STAG1: variants seen among roughly 807,000 people sequenced by gnomAD.
STAG1 encodes STAG1 cohesin complex component.
A neutral mutation model predicts 170.9 loss-of-function variants in STAG1; 26 were observed. That is an observed-to-expected ratio of 0.15 (90% CI 0.11 to 0.21). The LOEUF is 0.21. STAG1 is among the 10% of genes least tolerant of loss of function. The probability of loss-of-function intolerance (pLI) is 1.00; values close to 1 mark genes in which losing one functional copy is unlikely to be tolerated. For missense variants in STAG1, 964 were observed against 1,509.5 expected (o/e 0.64, Z 5.99); for synonymous variants, 514 against 497.7 (o/e 1.03, Z -0.44).
chr3:136,487,337 C>T (rs2090038345), intron 9 of STAG1, among the ~76,000 whole-genome samples: 1 of 152,152 alleles, frequency 6.6e-6, no homozygotes, highest in African/African-American at 2.4e-5. Context: ...GCATGGTATT[C>T]CATGGAGTGT....
chr3:136,530,632 A>G (rs539533714), intron 6 of STAG1, among the ~76,000 whole-genome samples: 2 of 152,302 alleles, frequency 1.3e-5, no homozygotes, highest in South Asian at 4.1e-4. Context: ...AACCTTACAA[A>G]TACATGAAAA....
chr3:136,527,462 C>A (rs2107920741), intron 6 of STAG1, among the ~76,000 whole-genome samples: 1 of 152,266 alleles, frequency 6.6e-6, no homozygotes, highest in African/African-American at 2.4e-5. Flanking sequence ...TTAAGGACTT[C>A]TCTACACTGG....
intron 5 of STAG1, among the ~76,000 whole-genome samples, chr3:136,554,451 G>A (rs931431110): frequency 1.3e-5 from 2 of 152,142 alleles, no homozygotes; most frequent in Non-Finnish European, 2.9e-5. Flanking sequence ...TGAGTTTTAA[G>A]GGCACATGAA....
At chr3:136,721,760 T>C (rs1341541052) in intron 1 of STAG1, among the ~76,000 whole-genome samples, 1 of 151,924 alleles carries the variant, frequency 6.6e-6, no homozygotes, top group Non-Finnish European at 1.5e-5. Flanking sequence ...CTGTCTCTAC[T>C]AAAAATACAA....
intron 16 of STAG1, 53 bp downstream of exon 16, chr3:136,433,503 C>G: frequency 7.7e-7 from 1 of 1,300,642 alleles, no homozygotes; most frequent in Non-Finnish European, 1.1e-6. Context: ...ATATTTAAGA[C>G]AGTTAATTGC....
At chr3:136,663,134 A>T (rs1941633728) in intron 1 of STAG1, among the ~76,000 whole-genome samples, 1 of 152,198 alleles carries the variant, frequency 6.6e-6, no homozygotes, top group Non-Finnish European at 1.5e-5. Flanking sequence ...AAACCTACAC[A>T]GCCTATACAA....
At chr3:136,528,772 T>C (rs1237082147) in intron 6 of STAG1, among the ~76,000 whole-genome samples, 1 of 151,622 alleles carries the variant, frequency 6.6e-6, no homozygotes, top group Non-Finnish European at 1.5e-5. Flanking sequence ...CTACCAAAAA[T>C]ACAAAATATT....
chr3:136,536,703 CAAAAA>C (rs11321017), intron 6 of STAG1, among the ~76,000 whole-genome samples: 4 of 70,962 alleles, frequency 5.6e-5, no homozygotes, highest in African/African-American at 1.6e-4. Flanking sequence ...ACTCAGTCTC[CAAAAA>C]AAAAAAAAAA....
chr3:136,529,440 A>G (rs1299488848), intron 6 of STAG1, among the ~76,000 whole-genome samples: 1 of 152,122 alleles, frequency 6.6e-6, no homozygotes, highest in African/African-American at 2.4e-5. Flanking sequence ...TAAATTTCTC[A>G]GCAGAAACCT....
chr3:136,455,988 G>GA (rs1279782360), intron 13 of STAG1, among the ~76,000 whole-genome samples: 4 of 152,016 alleles, frequency 2.6e-5, no homozygotes, highest in African/African-American at 7.2e-5. Flanking sequence ...GCCAGACCAA[G>GA]AAAAAAACAA....
intron 1 of STAG1, among the ~76,000 whole-genome samples, chr3:136,718,778 T>C (rs1035077837): frequency 2.0e-5 from 3 of 151,750 alleles, no homozygotes; most frequent in East Asian, 1.9e-4. Flanking sequence ...TACAAAAAAA[T>C]TGGCCAAGTG....
intron 1 of STAG1, among the ~76,000 whole-genome samples, chr3:136,712,187 T>G (rs1006185046): frequency 2.0e-5 from 3 of 152,122 alleles, no homozygotes; most frequent in African/African-American, 7.2e-5. Flanking sequence ...CCAGCTAATT[T>G]TTTGTATTTT....
chr3:136,380,966 G>C (rs1937922546), intron 22 of STAG1, among the ~76,000 whole-genome samples: 1 of 150,204 alleles, frequency 6.7e-6, no homozygotes, highest in African/African-American at 2.5e-5. Context: ...GTTGCAGTGA[G>C]CTGAGATTGA....
intron 12 of STAG1, among the ~76,000 whole-genome samples, chr3:136,468,957 C>G (rs2089548992): frequency 6.6e-6 from 1 of 152,144 alleles, no homozygotes; most frequent in Admixed American, 6.5e-5. Flanking sequence ...TAAAAACTCT[C>G]AATACATTAG....
intron 23 of STAG1, among the ~76,000 whole-genome samples, chr3:136,373,933 C>G (rs370114888): frequency 6.6e-6 from 1 of 152,094 alleles, no homozygotes; most frequent in Non-Finnish European, 1.5e-5. Context: ...CTAATATTGA[C>G]AGTGGGGTGT....
chr3:136,737,687 T>A (rs565793192), intron 1 of STAG1, among the ~76,000 whole-genome samples: 1 of 152,350 alleles, frequency 6.6e-6, no homozygotes, highest in South Asian at 2.1e-4. Flanking sequence ...GAATCTATTC[T>A]AGGTAGCAGT....
chr3:136,631,050 A>G, intron 1 of STAG1, 69 bp from the exon 2 acceptor site: 2 of 692,524 alleles, frequency 2.9e-6, no homozygotes, highest in Non-Finnish European at 4.7e-6. Flanking sequence ...ACTACAATCA[A>G]TCCACACCAC....
At chr3:136,373,344 T>G (rs643826) in intron 23 of STAG1, among the ~76,000 whole-genome samples, 64 of 152,128 alleles carry the variant, frequency 4.2e-4, no homozygotes, top group Non-Finnish European at 8.1e-4. Flanking sequence ...GTGTCTCTAT[T>G]TCCTTCAGTT....
chr3:136,338,427 C>G lies in STAG1; in HGVS notation c.3696G>C (p.Glu1232Asp). The change falls in exon 33 of 34, where the codon GAG becomes GAC. Residue 1232 changes from glutamate to aspartate, a missense_variant. Around this residue, in one of 11 missense-constraint regions of STAG1, gnomAD observed 59 missense variants for 104.2 expected, o/e 0.57. Coordinates refer to ENST00000383202, the MANE Select transcript of STAG1 (RefSeq NM_005862.3). Reference protein sequence around the residue: ...IDLPPSRNRRERAELRPDFFD... With the variant: ...IDLPPSRNRRDRAELRPDFFD... ...AGAAGTCTGGCCTTAGCTCAGCTCT[C>G]TCTCGCCGATTTCTTGATGGAGGCT... is the stretch of plus-strand genomic sequence containing the variant. 6.2e-7 allele frequency: 1 copy of G among 1,613,958 alleles called. No homozygotes were observed. The highest frequency in any genetic ancestry group is 8.5e-7 in the Non-Finnish European group (1 of 1,179,892).
Sources: allele counts gnomAD v4.1 joint callset (sites outside exome capture counted in the v4.1 genomes callset), GRCh38; gene constraint gnomAD v4.1.1; regional missense constraint gnomAD v4.1.1; transcripts MANE v1.5; gene names NCBI Gene and HGNC (gene_info 2026-07-23, HGNC 2026-07-21).